The following ATF7 variants were observed in gnomAD, a reference collection of about 807,000 sequenced individuals.
ATF7 encodes the protein cyclic AMP-dependent transcription factor ATF-7.
In ATF7, 10 loss-of-function variants were observed where a neutral mutation model predicts 50.4. The observed-to-expected ratio is 0.20, with a 90% CI of 0.12 to 0.34. The LOEUF (loss-of-function observed/expected upper bound fraction) is 0.34. Ranked by LOEUF, ATF7 falls within the 10% of genes least tolerant of loss-of-function variation. The pLI, the probability that ATF7 is intolerant of heterozygous loss-of-function variation, is 1.00. For missense variants in ATF7, 465 were observed against 613.9 expected (o/e 0.76, Z 2.56); for synonymous variants, 201 against 226.4 (o/e 0.89, Z 1.01).
chr12:53,553,909 G>A (rs1379457932), intron 2 of ATF7, among the ~76,000 whole-genome samples: 7 of 152,148 alleles, frequency 4.6e-5, no homozygotes. Flanking sequence ...GCTCCTACCT[G>A]TCAGGAAAGC....
rs539829536 is a variant in ATF7, at chr12:53,516,885, G to A, written c.*252C>T. 88 of 546,162 alleles carry A rather than the reference G, an allele frequency of 1.6e-4. No individual in the cohort carries two copies. The African/African-American group carries it at 1.6e-3, about 10-fold the overall frequency. 33.8% of individuals were successfully genotyped at this position (546,162 alleles called of 1,614,324 possible). A position where few individuals can be genotyped will look rare whatever the true frequency, so the allele number is the denominator to read the frequency against. On this transcript the variant is annotated 3_prime_UTR_variant, in exon 12 of 12. Transcript: ENST00000420353. Reference sequence around the variant, plus strand: ...TTCGGACCATCTGGAAAGGCCTTTGGCTGTGGATGCATCAGAAACCCCACC... The same window carrying A: ...TTCGGACCATCTGGAAAGGCCTTTGACTGTGGATGCATCAGAAACCCCACC...
Position 53,512,961 on chromosome 12 carries a change from A to T in ATF7, c.*4176T>A, listed in dbSNP as rs548199291. ...AATAAGTCTGGGATGGGGCCTGAGAATGTGTATTTCTAACAAGTTCCCAGA... is the reference window on the plus strand; with the variant it reads ...AATAAGTCTGGGATGGGGCCTGAGATTGTGTATTTCTAACAAGTTCCCAGA... On this transcript the variant is annotated 3_prime_UTR_variant, in exon 12 of 12. Coordinates refer to ENST00000420353, the MANE Select transcript of ATF7 (RefSeq NM_006856.3). 1 of 152,268 alleles carries T rather than the reference A, an allele frequency of 6.6e-6. No individual in the cohort carries two copies. Among genetic ancestry groups the T allele is most frequent in the Non-Finnish European group, 1.5e-5 (1 of 68,018 alleles). 9.4% of individuals were successfully genotyped at this position (152,268 alleles called of 1,614,324 possible).
At chr12:53,577,695 G>A (rs557642389) in intron 2 of ATF7, among the ~76,000 whole-genome samples, 1 of 145,214 alleles carries the variant, frequency 6.9e-6, no homozygotes, top group Non-Finnish European at 1.5e-5. Flanking sequence ...CGGCCTGGGA[G>A]AAAGAGCGAG....
At chr12:53,537,702 C>G in intron 4 of ATF7, 150 bp from the exon 5 acceptor site, 1 of 945,592 alleles carries the variant, frequency 1.1e-6, no homozygotes, top group Non-Finnish European at 1.5e-6. Context: ...AAATGTGGGC[C>G]CCTTATGTTT....
At chr12:53,575,312 C>A (rs1942001632) in intron 2 of ATF7, among the ~76,000 whole-genome samples, 1 of 151,658 alleles carries the variant, frequency 6.6e-6, no homozygotes, top group Non-Finnish European at 1.5e-5. Flanking sequence ...GAGGCTGAGG[C>A]AGGAGAATCG....
At chr12:53,625,403 A>G (rs1311780574) in intron 1 of ATF7, among the ~76,000 whole-genome samples, 1 of 152,158 alleles carries the variant, frequency 6.6e-6, no homozygotes, top group East Asian at 1.9e-4. Flanking sequence ...CAGAAGCCCT[A>G]AATCAATATC....
Position 53,531,870 on chromosome 12 carries a change from T to G in ATF7, c.801A>C (p.Gln267His), listed in dbSNP as rs1402625370. The G allele has an allele frequency of 6.2e-7, 1 of 1,613,466 alleles. No individual in the cohort carries two copies. Among genetic ancestry groups the G allele is most frequent in the Non-Finnish European group, 8.5e-7 (1 of 1,179,806 alleles). ...KMRLKATLTHQVSSINGGCGM... is the reference protein window; with the variant it reads ...KMRLKATLTHHVSSINGGCGM... ...CACAACCACCATTGATTGAGGAGACTTGGTGAGTTAGGGTGGCTTTCAGTC... is the reference window on the plus strand; with the variant it reads ...CACAACCACCATTGATTGAGGAGACGTGGTGAGTTAGGGTGGCTTTCAGTC... The change falls in exon 9 of 12, where the codon CAA (glutamine) becomes CAC (histidine). Residue 267 changes from glutamine (Q) to histidine (H), a missense_variant. Transcript: ENST00000420353.
chr12:53,618,045 A>C (rs1944216855), intron 1 of ATF7, among the ~76,000 whole-genome samples: 1 of 152,246 alleles, frequency 6.6e-6, no homozygotes, highest in Admixed American at 6.5e-5. Context: ...AAATATTTTT[A>C]AGATATAAAA....
chr12:53,529,558 G>C (rs1453068418), intron 9 of ATF7, among the ~76,000 whole-genome samples: 2 of 149,452 alleles, frequency 1.3e-5, no homozygotes, highest in African/African-American at 4.9e-5. Context: ...GGCTGGTCTC[G>C]AACTCTTGAC....
At chr12:53,598,687 C>T (rs1943263050) in intron 2 of ATF7, among the ~76,000 whole-genome samples, 1 of 152,212 alleles carries the variant, frequency 6.6e-6, no homozygotes, top group Non-Finnish European at 1.5e-5. Flanking sequence ...GGATACTACT[C>T]TTTTCTGATA....
intron 4 of ATF7, among the ~76,000 whole-genome samples, chr12:53,541,671 T>C (rs1448120235): frequency 1.3e-5 from 2 of 152,204 alleles, no homozygotes; most frequent in African/African-American, 4.8e-5. Context: ...GTGGTCTACA[T>C]ATAATTGAAC....
rs549959355 is a variant in ATF7, at chr12:53,550,088, C to T, written c.145+2453G>A. ...CTGTAATCCCAGCACTTTGGAAGGCCGAGGCAGGTGGATCATTCGAGGCCA... is the reference window on the plus strand; with the variant it reads ...CTGTAATCCCAGCACTTTGGAAGGCTGAGGCAGGTGGATCATTCGAGGCCA... On this transcript the variant is annotated intron_variant, in intron 3 of 11. Coordinates refer to ENST00000420353, the MANE Select transcript of ATF7 (RefSeq NM_006856.3). Among the ~76,000 whole-genome samples the T allele has an allele frequency of 1.1e-4, 16 of 151,938 alleles. No individual in the cohort carries two copies. In the East Asian group the frequency reaches 2.5e-3, roughly 24 times the overall value.
intron 2 of ATF7, chr12:53,575,766 AG>A (rs34335489): frequency 6.4e-6 from 1 of 156,026 alleles, no homozygotes; most frequent in African/African-American, 2.4e-5. Context: ...GGACACACTC[AG>A]GGAAGAAGGC....
At chr12:53,549,371 A>G (rs1257665350) in intron 3 of ATF7, among the ~76,000 whole-genome samples, 1 of 151,158 alleles carries the variant, frequency 6.6e-6, no homozygotes, top group Non-Finnish European at 1.5e-5. Flanking sequence ...GTGCTAGGTT[A>G]TAAAGAGCCT....
chr12:53,620,785 A>G (rs1944349148), intron 1 of ATF7, among the ~76,000 whole-genome samples: 1 of 152,034 alleles, frequency 6.6e-6, no homozygotes, highest in African/African-American at 2.4e-5. Context: ...CACAACCAAA[A>G]GACAGTAACA....
intron 2 of ATF7, among the ~76,000 whole-genome samples, chr12:53,600,208 TC>T (rs1247607579): frequency 6.6e-6 from 1 of 152,210 alleles, no homozygotes; most frequent in Non-Finnish European, 1.5e-5. Flanking sequence ...AATTTTTTTT[TC>T]CTTATTTAAA....
chr12:53,583,491 T>C (rs1942531472), intron 2 of ATF7, among the ~76,000 whole-genome samples: 2 of 151,952 alleles, frequency 1.3e-5, no homozygotes, highest in Non-Finnish European at 1.5e-5. Context: ...TATTATATTA[T>C]AATTTAATAA....
At chr12:53,606,089 G>A (rs1472574230) in intron 1 of ATF7, among the ~76,000 whole-genome samples, 1 of 152,072 alleles carries the variant, frequency 6.6e-6, no homozygotes, top group Non-Finnish European at 1.5e-5. Context: ...ATGAAGCTCT[G>A]TAGTTTTTGG....
At chr12:53,548,984 C>G (rs1206952932) in intron 3 of ATF7, among the ~76,000 whole-genome samples, 1 of 151,764 alleles carries the variant, frequency 6.6e-6, no homozygotes, top group Admixed American at 6.6e-5. Flanking sequence ...GTCTCTGTCT[C>G]CAAAAAATAC....
Sources: gnomAD v4.1 joint callset for allele counts (sites outside exome capture counted in the v4.1 genomes callset) on GRCh38, gnomAD v4.1.1 for gene constraint, MANE v1.5 for transcripts, NCBI Gene and HGNC (gene_info 2026-07-23, HGNC 2026-07-21) for gene names.